Variants in SEMA3A observed in about 807,000 individuals in gnomAD.
SEMA3A encodes the protein semaphorin-3A.
SEMA3A carries 29 observed loss-of-function variants against 97.9 expected under a neutral mutation model. The ratio of observed to expected loss-of-function variants is 0.30; its 90% CI spans 0.22 to 0.40. The LOEUF (loss-of-function observed/expected upper bound fraction) is 0.40, where lower values mean the gene tolerates loss of function less well. SEMA3A is among the 10% of genes least tolerant of loss of function. The pLI is 1.00. For missense variants in SEMA3A, 763 were observed against 951.3 expected (o/e 0.80, Z 2.60); for synonymous variants, 321 against 323.7 (o/e 0.99, Z 0.09).
intron 1 of SEMA3A, among the ~76,000 whole-genome samples, chr7:84,463,773 C>T (rs1050957085): frequency 2.6e-5 from 4 of 151,990 alleles, no homozygotes; most frequent in Non-Finnish European, 5.9e-5. Context: ...GCCGTTCCTC[C>T]TTCTGTCCCT....
intron 4 of SEMA3A, among the ~76,000 whole-genome samples, chr7:84,071,456 G>A (rs758761462): frequency 3.3e-5 from 5 of 152,042 alleles, no homozygotes; most frequent in Non-Finnish European, 7.4e-5. Context: ...TTTAGGCCAG[G>A]AGTTATGCGA....
At chr7:84,155,945 T>C in intron 1 of SEMA3A, among the ~76,000 whole-genome samples, 1 of 152,144 alleles carries the variant, frequency 6.6e-6, no homozygotes, top group African/African-American at 2.4e-5. Flanking sequence ...CTGACTCTGT[T>C]TGACCACATA....
intron 3 of SEMA3A, among the ~76,000 whole-genome samples, chr7:84,256,521 G>A (rs1438439401): frequency 6.6e-6 from 1 of 152,070 alleles, no homozygotes; most frequent in African/African-American, 2.4e-5. Flanking sequence ...CTGTCTGAAA[G>A]TAGTCTAGTA....
chr7:84,000,153 A>ATACTC (rs1222049065), intron 12 of SEMA3A, among the ~76,000 whole-genome samples: 2 of 152,136 alleles, frequency 1.3e-5, no homozygotes, highest in Non-Finnish European at 2.9e-5. Context: ...CTAAACATAC[A>ATACTC]TACTCTATAG....
chr7:84,192,424 C>G (rs1044459311), intron 1 of SEMA3A, among the ~76,000 whole-genome samples: 2 of 151,852 alleles, frequency 1.3e-5, no homozygotes, highest in Non-Finnish European at 2.9e-5. Flanking sequence ...TTATTAAGCT[C>G]TAGGTGTATC....
At chr7:84,093,652 T>C (rs901103137) in intron 4 of SEMA3A, among the ~76,000 whole-genome samples, 1 of 152,060 alleles carries the variant, frequency 6.6e-6, no homozygotes, top group Non-Finnish European at 1.5e-5. Context: ...TGCAGGGACA[T>C]GACTGGAGCT....
chr7:84,094,717 C>T (rs78418602), intron 4 of SEMA3A, among the ~76,000 whole-genome samples: 3 of 152,102 alleles, frequency 2.0e-5, no homozygotes, highest in Non-Finnish European at 4.4e-5. Flanking sequence ...CTAAAACACA[C>T]TTTGCAACAC....
chr7:84,043,849 G>A (rs964162780), intron 6 of SEMA3A, among the ~76,000 whole-genome samples: 2 of 152,064 alleles, frequency 1.3e-5, no homozygotes, highest in African/African-American at 4.8e-5. Flanking sequence ...TTTCAGAGAT[G>A]AAGTACAGAG....
intron 1 of SEMA3A, among the ~76,000 whole-genome samples, chr7:84,445,718 T>C (rs1805397391): frequency 6.6e-6 from 1 of 151,484 alleles, no homozygotes; most frequent in Admixed American, 6.6e-5. Flanking sequence ...ATAGTGATAA[T>C]AGTGCTAAAG....
chr7:84,150,265 G>T (rs927308262), intron 1 of SEMA3A, among the ~76,000 whole-genome samples: 1 of 152,228 alleles, frequency 6.6e-6, no homozygotes, highest in Admixed American at 6.5e-5. Flanking sequence ...AACAGCTCCA[G>T]TCTACAGCTC....
intron 2 of SEMA3A, among the ~76,000 whole-genome samples, chr7:84,361,118 A>AT (rs1483125997): frequency 6.6e-6 from 1 of 152,050 alleles, no homozygotes; most frequent in African/African-American, 2.4e-5. Context: ...GAGAGATAAG[A>AT]TTTTAACAGA....
intron 1 of SEMA3A, among the ~76,000 whole-genome samples, chr7:84,427,002 T>C (rs1804844394): frequency 6.6e-6 from 1 of 152,130 alleles, no homozygotes; most frequent in African/African-American, 2.4e-5. Flanking sequence ...CCCCTGATGT[T>C]GGGACATGCA....
chr7:84,040,042 T>G (rs781464863), intron 6 of SEMA3A, among the ~76,000 whole-genome samples: 2 of 152,168 alleles, frequency 1.3e-5, no homozygotes, highest in South Asian at 4.1e-4. Context: ...GCAGGTTATT[T>G]TGGAACTTTA....
Position 84,056,154 on chromosome 7 carries a change from G to C in SEMA3A, c.547+4311C>G, listed in dbSNP as rs77847123. 1.3e-3 allele frequency among the ~76,000 whole-genome samples: 188 copies of C among 148,960 alleles called. 2 individuals carry two copies. The highest frequency in any genetic ancestry group is 4.4e-3 in the African/African-American group (184 of 41,372). On this transcript the variant is annotated intron_variant, in intron 5 of 16. Transcript: ENST00000265362. ...CACAAAAGTTACTATTTGAGGATACGACCATTCTTTCTTAACTGGAAGCTT... is the reference window on the plus strand; with the variant it reads ...CACAAAAGTTACTATTTGAGGATACCACCATTCTTTCTTAACTGGAAGCTT...
intron 5 of SEMA3A, among the ~76,000 whole-genome samples, chr7:84,052,337 G>T (rs1223290011): frequency 1.3e-5 from 2 of 152,152 alleles, no homozygotes; most frequent in Non-Finnish European, 2.9e-5. Flanking sequence ...AATCCATCTA[G>T]TCCTGCACTC....
intron 1 of SEMA3A, among the ~76,000 whole-genome samples, chr7:84,372,813 A>C (rs1394822258): frequency 6.6e-6 from 1 of 152,130 alleles, no homozygotes; most frequent in Non-Finnish European, 1.5e-5. Flanking sequence ...GCTAGCTTGT[A>C]TTACTGGCAC....
intron 3 of SEMA3A, among the ~76,000 whole-genome samples, chr7:84,126,912 A>G (rs1203860156): frequency 6.6e-6 from 1 of 151,842 alleles, no homozygotes; most frequent in Non-Finnish European, 1.5e-5. Context: ...AAAATTCTCA[A>G]CCTCTCTGGG....
At chr7:84,303,148 G>A (rs1432619199) in intron 3 of SEMA3A, among the ~76,000 whole-genome samples, 1 of 152,114 alleles carries the variant, frequency 6.6e-6, no homozygotes, top group Non-Finnish European at 1.5e-5. Flanking sequence ...ACTGGGTGCA[G>A]AGGAGGTTAG....
chr7:83,977,098 C>T (rs1295502323), intron 15 of SEMA3A, 34 bp downstream of exon 15: 1 of 1,364,884 alleles, frequency 7.3e-7, no homozygotes, highest in African/African-American at 1.5e-5. Flanking sequence ...TTAGCCTGGT[C>T]TTAGCAGGTT....
Sources: gnomAD v4.1 joint callset for allele counts (sites outside exome capture counted in the v4.1 genomes callset) on GRCh38, gnomAD v4.1.1 for gene constraint, MANE v1.5 for transcripts, NCBI Gene and HGNC (gene_info 2026-07-23, HGNC 2026-07-21) for gene names.